The following COL11A1 variants were observed in gnomAD, a reference collection of about 807,000 sequenced individuals.
The protein encoded by COL11A1 is collagen type XI alpha 1 chain.
COL11A1 carries 74 observed loss-of-function variants against 265.2 expected under a neutral mutation model. The observed-to-expected ratio is 0.28, with a 90% confidence interval of 0.23 to 0.34. The LOEUF (loss-of-function observed/expected upper bound fraction) is 0.34. Ranked by LOEUF, COL11A1 falls within the 10% of genes least tolerant of loss-of-function variation. The pLI, the probability that COL11A1 is intolerant of heterozygous loss-of-function variation, is 1.00. For synonymous variants in COL11A1, 816 were observed against 727.6 expected (o/e 1.12, Z -1.96); for missense variants, 2,165 against 2,263.6 (o/e 0.96, Z 0.88).
At chr1:103,072,494 T>A (rs79793155) in intron 4 of COL11A1, among the ~76,000 whole-genome samples, 1,605 of 151,964 alleles carry the variant, frequency 0.011, 28 homozygotes, top group African/African-American at 0.037. Flanking sequence ...AATTTCTATC[T>A]CCTGTCATTT....
In COL11A1 at chr1:103,108,198, A is replaced by T; in HGVS notation, c.-20T>A. Reference sequence around the variant, plus strand: ...CTCCATCTCCGAGCCCCGCACTCACAACTGTGAACTCAACCCACGAAATTG... The same window carrying T: ...CTCCATCTCCGAGCCCCGCACTCACTACTGTGAACTCAACCCACGAAATTG... On this transcript the variant is annotated 5_prime_UTR_variant, in exon 1 of 67. Transcript: ENST00000370096. 1 of 1,604,628 alleles carries T rather than the reference A, an allele frequency of 6.2e-7. No individual in the cohort carries two copies. The highest frequency in any genetic ancestry group is 8.5e-7 in the Non-Finnish European group (1 of 1,172,166).
chr1:103,077,377 A>C (rs182431919), intron 3 of COL11A1, among the ~76,000 whole-genome samples: 1 of 152,008 alleles, frequency 6.6e-6, no homozygotes, highest in African/African-American at 2.4e-5. Context: ...TAAGGTGTGA[A>C]TAATAAGATG....
intron 4 of COL11A1, among the ~76,000 whole-genome samples, chr1:103,051,260 C>T (rs989644367): frequency 6.6e-6 from 1 of 152,238 alleles, no homozygotes; most frequent in African/African-American, 2.4e-5. Context: ...CCAGTTTGAG[C>T]TTCCTGGCCG....
intron 54 of COL11A1, among the ~76,000 whole-genome samples, chr1:102,900,251 G>A (rs1037841192): frequency 6.6e-6 from 1 of 151,972 alleles, no homozygotes; most frequent in African/African-American, 2.4e-5. Flanking sequence ...TCTTGAGGTG[G>A]AATCAATATG....
chr1:103,011,595 G>T (rs1488654446), intron 14 of COL11A1, among the ~76,000 whole-genome samples: 2 of 151,858 alleles, frequency 1.3e-5, no homozygotes, highest in South Asian at 2.1e-4. Flanking sequence ...AGAAGGCAAA[G>T]TACTTGATTT....
chr1:103,027,459 G>A (rs12041755), intron 5 of COL11A1, among the ~76,000 whole-genome samples: 1 of 129,958 alleles, frequency 7.7e-6, no homozygotes, highest in South Asian at 2.4e-4. Flanking sequence ...GCATGCCGGG[G>A]CAATTTATAT....
At chr1:103,073,605 T>C (rs965713380) in intron 4 of COL11A1, among the ~76,000 whole-genome samples, 5 of 151,822 alleles carry the variant, frequency 3.3e-5, no homozygotes, top group Non-Finnish European at 7.4e-5. Context: ...CACTAGTGGA[T>C]AAAAGTCAGA....
chr1:103,036,352 G>T lies in COL11A1; in HGVS notation c.652-5108C>A, dbSNP rs1350033398. On this transcript the variant is annotated intron_variant, in intron 4 of 66. Coordinates refer to ENST00000370096, the MANE Select transcript of COL11A1 (RefSeq NM_001854.4). ...TATATATATATATATATATATATAT[G>T]ATACTTATGTATATAAATATATATT... Among the ~76,000 whole-genome samples the T allele has an allele frequency of 4.6e-5, 6 of 129,454 alleles. No individual in the cohort carries two copies. In the East Asian group the frequency reaches 1.1e-3, roughly 23 times the overall value. The allele number at this position is 129,454 out of a possible 152,430, so 84.9% of individuals were successfully genotyped here.
rs373329735 is a variant in COL11A1 at position 102,904,540 on chromosome 1, C to A, written c.4087-5546G>T. Reference sequence around the variant, plus strand: ...AACAAATTTACAAGAAAAAAACAAACAACCCCATCAAAAAGTGGGTGAAGG... The same window carrying A: ...AACAAATTTACAAGAAAAAAACAAAAAACCCCATCAAAAAGTGGGTGAAGG... On this transcript the variant is annotated intron_variant, in intron 54 of 66. Transcript: ENST00000370096. Among the ~76,000 whole-genome samples, 89 of 152,056 alleles carry A rather than the reference C, an allele frequency of 5.9e-4. 1 individual carries two copies. Among genetic ancestry groups the A allele is most frequent in the African/African-American group, 2.1e-3 (89 of 41,470 alleles).
At chr1:102,981,253 G>C (rs1430083381) in intron 31 of COL11A1, among the ~76,000 whole-genome samples, 1 of 152,050 alleles carries the variant, frequency 6.6e-6, no homozygotes, top group Non-Finnish European at 1.5e-5. Flanking sequence ...AAAAATCTCT[G>C]CACATTACAT....
At chr1:103,032,028 G>A (rs910898506) in intron 4 of COL11A1, among the ~76,000 whole-genome samples, 12 of 152,116 alleles carry the variant, frequency 7.9e-5, no homozygotes, top group Admixed American at 1.3e-4. Context: ...TGCTCTTGAT[G>A]TAATGTGGCT....
chr1:102,905,117 G>T (rs550278900), intron 54 of COL11A1, among the ~76,000 whole-genome samples: 2 of 149,574 alleles, frequency 1.3e-5, no homozygotes, highest in Admixed American at 6.7e-5. Context: ...GCAAACTATC[G>T]CAAGGACAAA....
At chr1:103,017,284 TAA>T (rs1666644044) in intron 11 of COL11A1, among the ~76,000 whole-genome samples, 1 of 152,072 alleles carries the variant, frequency 6.6e-6, no homozygotes, top group Non-Finnish European at 1.5e-5. Flanking sequence ...ATGAAAAGTA[TAA>T]GTTATTTGCA....
intron 54 of COL11A1, among the ~76,000 whole-genome samples, chr1:102,901,302 A>G (rs1018597140): frequency 1.1e-4 from 17 of 149,962 alleles, no homozygotes; most frequent in African/African-American, 4.2e-4. Context: ...CCTGGGAAAT[A>G]AAAGCAAAAC....
intron 52 of COL11A1, 146 bp downstream of exon 52, chr1:102,914,206 G>T: frequency 1.4e-6 from 1 of 693,280 alleles, no homozygotes; most frequent in Non-Finnish European, 2.5e-6. Context: ...GGATTTTCCT[G>T]CATTTGCAAT....
At chr1:103,069,854 C>A (rs12140473) in intron 4 of COL11A1, among the ~76,000 whole-genome samples, 1 of 151,678 alleles carries the variant, frequency 6.6e-6, no homozygotes, top group South Asian at 2.1e-4. Flanking sequence ...CACAATGTAA[C>A]ACTACAATGC....
chr1:103,002,683 C>CA (rs1012425345), intron 22 of COL11A1, 64 bp downstream of exon 22: 12 of 1,409,772 alleles, frequency 8.5e-6, no homozygotes, highest in Admixed American at 5.1e-5. Flanking sequence ...GATTTAACAA[C>CA]AAAAAATGGT....
intron 59 of COL11A1, 111 bp from the exon 60 acceptor site, chr1:102,889,030 G>A (rs1651392973): frequency 4.1e-6 from 4 of 982,368 alleles, no homozygotes; most frequent in Admixed American, 3.8e-5. Context: ...TTTAGAGAAT[G>A]CAAAAATATT....
At chr1:103,057,677 T>C (rs1250932612) in intron 4 of COL11A1, among the ~76,000 whole-genome samples, 1 of 152,168 alleles carries the variant, frequency 6.6e-6, no homozygotes, top group Non-Finnish European at 1.5e-5. Flanking sequence ...TCCTTACACA[T>C]CTACATCAGA....
Sources: gnomAD v4.1 joint callset for allele counts (sites outside exome capture counted in the v4.1 genomes callset) on GRCh38, gnomAD v4.1.1 for gene constraint, MANE v1.5 for transcripts, NCBI Gene and HGNC (gene_info 2026-07-23, HGNC 2026-07-21) for gene names.